The following SMARCD3 variants were observed in gnomAD, a reference collection of about 807,000 sequenced individuals.
SMARCD3 encodes the protein SWI/SNF-related matrix-associated actin-dependent regulator of chromatin subfamily D member 3.
SMARCD3 carries 14 observed loss-of-function variants against 58.0 expected under a neutral mutation model. The ratio of observed to expected loss-of-function variants is 0.24; its 90% CI spans 0.16 to 0.38. The LOEUF is 0.38. Among genes scored for constraint, SMARCD3 ranks in the 10% least tolerant of loss-of-function variants. The pLI is 1.00. For missense variants in SMARCD3, 408 were observed against 636.9 expected (o/e 0.64, Z 3.87); for synonymous variants, 253 against 253.8 (o/e 1.00, Z 0.03).
At chr7:151,252,477 G>GGA (rs1266900834), upstream of SMARCD3, among the ~76,000 whole-genome samples, 2 of 152,018 alleles carry the variant, frequency 1.3e-5, no homozygotes, top group African/African-American at 4.8e-5. Flanking sequence ...GAGAGGAGAG[G>GGA]GAGAGAGAGA....
At chr7:151,264,328 G>A (rs1431040605) in intron 2 of SMARCD3, among the ~76,000 whole-genome samples, 1 of 152,146 alleles carries the variant, frequency 6.6e-6, no homozygotes. Flanking sequence ...CAAGGTGCTG[G>A]GATTACAGGT....
At chr7:151,261,907 G>A (rs570103155) in intron 2 of SMARCD3, among the ~76,000 whole-genome samples, 1 of 152,168 alleles carries the variant, frequency 6.6e-6, no homozygotes, top group African/African-American at 2.4e-5. Context: ...GAAGTGTGGG[G>A]TCTACTCAAG....
intron 10 of SMARCD3, 81 bp downstream of exon 10, chr7:151,240,031 C>T (rs1472283946): frequency 1.3e-5 from 18 of 1,431,792 alleles, no homozygotes; most frequent in Non-Finnish European, 1.5e-5. Context: ...TGCTCATCTG[C>T]AACCACACCC....
Position 151,242,367 on chromosome 7 carries a change from C to T in SMARCD3, c.579+114G>A. On this transcript the variant is annotated intron_variant, in intron 5 of 12. Transcript: ENST00000262188. The surrounding 1 kb of genome is among the most constrained non-coding windows in gnomAD (Gnocchi z 4.7). The stretch of plus-strand genomic sequence containing the variant: ...GCACTTGGAATGTCTCTAGGCCTGC[C>T]CCTCCACCCAGCCTGGGCTGACTCC... 1 of 1,482,542 alleles carries T rather than the reference C, an allele frequency of 6.7e-7. No homozygotes were observed. The highest frequency in any genetic ancestry group is 1.4e-5 in the African/African-American group (1 of 72,264). The allele number at this position is 1,482,542 out of a possible 1,614,324, so 91.8% of individuals were successfully genotyped here.
At chr7:151,253,307 C>T (rs113363419), upstream of SMARCD3, among the ~76,000 whole-genome samples, 235 of 152,246 alleles carry the variant, frequency 1.5e-3, 3 homozygotes, top group Admixed American at 5.6e-3. Flanking sequence ...TCACTCCCTC[C>T]GTCCTCCCCT....
intron 2 of SMARCD3, among the ~76,000 whole-genome samples, chr7:151,268,384 A>T (rs1349580505): frequency 6.6e-6 from 1 of 152,184 alleles, no homozygotes; most frequent in African/African-American, 2.4e-5. Flanking sequence ...TCTCCTCCCC[A>T]TTCCCTATTT....
At position 151,238,881 on chromosome 7, in the gene SMARCD3, G is replaced by A; in HGVS notation, c.*222C>T. Reference sequence around the variant, plus strand: ...GAAGAATCCAAGGGAAGGGAATGGGGAGTCGTCCCGAGGGACCCACTGCCT... The same window carrying A: ...GAAGAATCCAAGGGAAGGGAATGGGAAGTCGTCCCGAGGGACCCACTGCCT... On this transcript the variant is annotated 3_prime_UTR_variant, in exon 13 of 13. Transcript: ENST00000262188. 1.5e-6 allele frequency: 2 copies of A among 1,294,992 alleles called. No homozygotes were observed. The highest frequency in any genetic ancestry group is 1.1e-6 in the Non-Finnish European group (1 of 936,730). The allele number at this position is 1,294,992 out of a possible 1,614,324, so 80.2% of individuals were successfully genotyped here.
Position 151,238,959 on chromosome 7 carries a change from G to A in SMARCD3, c.*144C>T, listed in dbSNP as rs1802802937. 2 of 1,011,448 alleles carry A rather than the reference G, an allele frequency of 2.0e-6. No homozygotes were observed. The highest frequency in any genetic ancestry group is 3.8e-5 in the Admixed American group (2 of 52,716). 62.7% of individuals were successfully genotyped at this position (1,011,448 alleles called of 1,614,324 possible). A position where few individuals can be genotyped will look rare whatever the true frequency, so the allele number is the denominator to read the frequency against. ...CCCCCTCCCCTCCCCAGTTTCCAAT[G>A]ACCACACGGCTGCTGTCAGATGAAT... On this transcript the variant is annotated 3_prime_UTR_variant, in exon 13 of 13. Coordinates refer to ENST00000262188, the MANE Select transcript of SMARCD3 (RefSeq NM_001003801.2).
chr7:151,250,818 A>G (rs1803487253), upstream of SMARCD3, among the ~76,000 whole-genome samples: 1 of 151,962 alleles, frequency 6.6e-6, no homozygotes, highest in African/African-American at 2.4e-5. Flanking sequence ...GGGCACAGGA[A>G]CTCAACAGTA....
At chr7:151,268,102 G>A (rs1795053155) in intron 2 of SMARCD3, among the ~76,000 whole-genome samples, 1 of 152,184 alleles carries the variant, frequency 6.6e-6, no homozygotes, top group African/African-American at 2.4e-5. Flanking sequence ...GGGAGGACAG[G>A]GGACAAGTGG....
chr7:151,248,772 G>A (rs879162028), upstream of SMARCD3: 2 of 860,398 alleles, frequency 2.3e-6, no homozygotes, highest in African/African-American at 1.8e-5. The surrounding 1 kb of genome is among the most constrained non-coding windows in gnomAD (Gnocchi z 6.1). Flanking sequence ...CGCCGCCGCC[G>A]CCGCGGCTGC....
chr7:151,275,403 C>T (rs1795311596), intron 1 of SMARCD3, among the ~76,000 whole-genome samples: 1 of 152,156 alleles, frequency 6.6e-6, no homozygotes, highest in Admixed American at 6.5e-5. Flanking sequence ...CAGCATGGGC[C>T]AGCTGGGGCT....
rs762871759 is a variant in SMARCD3, at chr7:151,242,469, GC to G, written c.579+11del. 1 of 1,611,936 alleles carries G rather than the reference GC, an allele frequency of 6.2e-7. No individual in the cohort carries two copies. The highest frequency in any genetic ancestry group is 1.1e-5 in the South Asian group (1 of 91,070). On this transcript the variant is annotated intron_variant, in intron 5 of 12. Coordinates refer to ENST00000262188, the MANE Select transcript of SMARCD3 (RefSeq NM_001003801.2). The surrounding 1 kb of genome is among the most constrained non-coding windows in gnomAD (Gnocchi z 4.7). ...CCCCAGGACACCTGGAGAGACCTGG[GC>G]CGGGACGTACATCATCCAGGAGCTT... is the stretch of plus-strand genomic sequence containing the variant.
At chr7:151,269,905 T>C (rs1227537578) in intron 2 of SMARCD3, among the ~76,000 whole-genome samples, 1 of 152,168 alleles carries the variant, frequency 6.6e-6, no homozygotes, top group African/African-American at 2.4e-5. Context: ...CCCATCTGCC[T>C]GGCTGGAAAG....
rs771801679 is a variant in SMARCD3, at chr7:151,248,526, C to T, written c.37G>A (p.Ala13Thr). Reference protein sequence around the residue: ...ADEVAGGARKATKSKLFEFLV... With the variant: ...ADEVAGGARKTTKSKLFEFLV... ...AACTCAAAAAGTTTGCTTTTCGTGG[C>T]TTTGCGCGCCCCTCCGGCAACTTCG... Residue 13 changes from alanine to threonine, a missense_variant, in exon 1 of 13, where the codon GCC becomes ACC. Ala to Thr is a moderately conservative substitution (Grantham distance 58). Around this residue, in one of 4 missense-constraint regions of SMARCD3, gnomAD observed 84 missense variants for 81.2 expected, o/e 1.03. Transcript: ENST00000262188. This position sits in a 1 kb window ranked among gnomAD's most constrained non-coding sequence, Gnocchi z 6.1. The T allele has an allele frequency of 6.2e-7, 1 of 1,613,738 alleles. No homozygotes were observed. Among genetic ancestry groups the T allele is most frequent in the Non-Finnish European group, 8.5e-7 (1 of 1,179,750 alleles).
intron 2 of SMARCD3, among the ~76,000 whole-genome samples, chr7:151,269,351 C>T (rs6977470): frequency 0.6 from 90,799 of 152,096 alleles, 28,145 homozygotes; most frequent in African/African-American, 0.73. Context: ...TACACACCCT[C>T]GAGTCCCCTG....
At chr7:151,260,497 G>GA (rs200494896) in intron 2 of SMARCD3, among the ~76,000 whole-genome samples, 112 of 151,196 alleles carry the variant, frequency 7.4e-4, no homozygotes, top group Admixed American at 1.2e-3. Context: ...CCAAAAACAA[G>GA]AAAAAAAAAT....
chr7:151,257,967 G>C (rs564529880), intron 2 of SMARCD3, among the ~76,000 whole-genome samples: 1 of 152,022 alleles, frequency 6.6e-6, no homozygotes, highest in Non-Finnish European at 1.5e-5. Context: ...GTCTTCAGTG[G>C]ACAGCTCAAA....
intron 2 of SMARCD3, among the ~76,000 whole-genome samples, chr7:151,267,505 A>G (rs1018102395): frequency 1.3e-5 from 2 of 152,224 alleles, no homozygotes; most frequent in Non-Finnish European, 2.9e-5. Context: ...TTTAAGACAC[A>G]GACAAGTTGA....
Sources: gnomAD v4.1 joint callset for allele counts (sites outside exome capture counted in the v4.1 genomes callset) on GRCh38, gnomAD v4.1.1 for gene constraint, gnomAD v4.1.1 regional missense constraint, Gnocchi (gnomAD v3.1) non-coding constraint, MANE v1.5 for transcripts, NCBI Gene and HGNC (gene_info 2026-07-23, HGNC 2026-07-21) for gene names.